The following NLE1 variants were observed in gnomAD, a reference collection of about 807,000 sequenced individuals.
NLE1 encodes notchless homolog 1.
Under a neutral mutation model 62.8 loss-of-function variants are expected in NLE1, and 37 were observed. The observed-to-expected ratio is 0.59, with a 90% CI of 0.45 to 0.78. The LOEUF is 0.78. Among genes scored for constraint, NLE1 ranks in the 30% least tolerant of loss-of-function variants. NLE1 has a pLI of 0.00. For synonymous variants in NLE1, 243 were observed against 253.0 expected (o/e 0.96, Z 0.37); for missense variants, 555 against 637.9 (o/e 0.87, Z 1.40).
At chr17:35,135,041 G>A (rs2091900149) in intron 10 of NLE1, 2 of 661,342 alleles carry the variant, frequency 3.0e-6, no homozygotes, top group African/African-American at 3.6e-5. Context: ...AACACCAGGT[G>A]ACAGAGTGAA....
chr17:35,140,180 G>A (rs1014624363), intron 2 of NLE1, 114 bp from the exon 3 acceptor site: 11 of 1,192,896 alleles, frequency 9.2e-6, no homozygotes, highest in Admixed American at 2.3e-5. Context: ...TTCAGCCATC[G>A]TGCTAGGGAT....
At chr17:35,137,441 C>A (rs2091915881) in intron 6 of NLE1, 102 bp downstream of exon 6, 2 of 998,358 alleles carry the variant, frequency 2.0e-6, no homozygotes, top group East Asian at 5.2e-5. Flanking sequence ...ATTCAGGCTG[C>A]CCATCTTGTC....
At chr17:35,137,240 G>A in intron 6 of NLE1, 47 bp from the exon 7 acceptor site, 1 of 1,511,700 alleles carries the variant, frequency 6.6e-7, no homozygotes, top group Non-Finnish European at 9.0e-7. Context: ...GGCAACATCT[G>A]TGTGCCCATG....
In NLE1 at chr17:35,140,001, C is replaced by T. The variant is rs138632996; in HGVS notation, c.228G>A (p.Thr76=). The T allele has an allele frequency of 7.9e-5, 128 of 1,614,132 alleles. 2 individuals carry two copies. The Admixed American group carries it at 1.0e-3, about 13-fold the overall frequency. The stretch of plus-strand genomic sequence containing the variant: ...CTGTCTCCACTGCCTGGGACTCCAA[C>T]GTCTTCCCCAGTGAGGAGACGATCT... The part of the protein sequence containing the change: ...DAEIVSSLGK[T]LESQAVETEK... Residue 76 remains threonine, a synonymous_variant, in exon 3 of 13, where the codon ACG becomes ACA. Coordinates refer to ENST00000442241, the MANE Select transcript of NLE1 (RefSeq NM_018096.5).
Position 35,129,281 on chromosome 17 carries a change from C to G in NLE1, c.*3156G>C. On this transcript the variant is annotated 3_prime_UTR_variant, in exon 13 of 13. Transcript: ENST00000442241. ...GGTTCCACACTCAGTGCTGCAGTAC[C>G]TTGCACCTTCCATCTGACCTGCCTG... 1 of 1,078,156 alleles carries G rather than the reference C, an allele frequency of 9.3e-7. No homozygotes were observed. The highest frequency in any genetic ancestry group is 1.4e-6 in the Non-Finnish European group (1 of 740,006). The allele number at this position is 1,078,156 out of a possible 1,614,324, so 66.8% of individuals were successfully genotyped here.
Position 35,129,881 on chromosome 17 carries a change from A to G in NLE1, c.*2556T>C, listed in dbSNP as rs1203116331. 3.5e-6 allele frequency: 5 copies of G among 1,413,130 alleles called. No individual in the cohort carries two copies. The highest frequency in any genetic ancestry group is 4.6e-6 in the Non-Finnish European group (5 of 1,086,918). 87.5% of individuals were successfully genotyped at this position (1,413,130 alleles called of 1,614,324 possible). On this transcript the variant is annotated 3_prime_UTR_variant, in exon 13 of 13. Coordinates refer to ENST00000442241, the MANE Select transcript of NLE1 (RefSeq NM_018096.5). ...GGAATGCAAACGAATGTATTTTTCA[A>G]CATCACTATAATGTTCCCCTTCCAA...
chr17:35,129,592 G>C lies in NLE1; in HGVS notation c.*2845C>G, dbSNP rs150486836. ...AGCTGATGGAGCTAAAGCCTAACAC[G>C]TGTTACTGCCTCAGTGTCCGTGCAG... On this transcript the variant is annotated 3_prime_UTR_variant, in exon 13 of 13. Transcript: ENST00000442241. 3 of 1,614,046 alleles carry C rather than the reference G, an allele frequency of 1.9e-6. No homozygotes were observed. Among genetic ancestry groups the C allele is most frequent in the African/African-American group, 1.3e-5 (1 of 74,928 alleles).
In NLE1 at chr17:35,130,881, G is replaced by A. The variant is rs1294702446; in HGVS notation, c.*1556C>T. The A allele has an allele frequency of 1.8e-5, 3 of 163,004 alleles. No individual in the cohort carries two copies. Among genetic ancestry groups the A allele is most frequent in the African/African-American group, 7.2e-5 (3 of 41,680 alleles). The allele number at this position is 163,004 out of a possible 1,614,324, so 10.1% of individuals were successfully genotyped here. A position where few individuals can be genotyped will look rare whatever the true frequency, so the allele number is the denominator to read the frequency against. ...ATGCTGCCATCACCCCTTCCCCAGT[G>A]GGGCGGGGTAGGGGAACAGGGAGAC... is the stretch of plus-strand genomic sequence containing the variant. On this transcript the variant is annotated 3_prime_UTR_variant, in exon 13 of 13. Coordinates refer to ENST00000442241, the MANE Select transcript of NLE1 (RefSeq NM_018096.5).
rs559761269 is a variant in NLE1, at chr17:35,129,514, C to T, written c.*2923G>A. On this transcript the variant is annotated 3_prime_UTR_variant, in exon 13 of 13. Coordinates refer to ENST00000442241, the MANE Select transcript of NLE1 (RefSeq NM_018096.5). ...CCAAGACACAGGAGAATGAGTTGCC[C>T]GAGGCAAAGAATCGTCCATGGATCT... is the stretch of plus-strand genomic sequence containing the variant. 1.5e-5 allele frequency: 24 copies of T among 1,614,026 alleles called. No individual in the cohort carries two copies. Among genetic ancestry groups the T allele is most frequent in the Admixed American group, 8.3e-5 (5 of 60,002 alleles).
rs1311342212 is a variant in NLE1 at position 35,131,440 on chromosome 17, G to A, written c.*997C>T. On this transcript the variant is annotated 3_prime_UTR_variant, in exon 13 of 13. Coordinates refer to ENST00000442241, the MANE Select transcript of NLE1 (RefSeq NM_018096.5). Reference sequence around the variant, plus strand: ...TGCTTAGCATGGGATGCAGGAGAAAGCAGAGGCAGGGTACATTCAGGGCAA... The same window carrying A: ...TGCTTAGCATGGGATGCAGGAGAAAACAGAGGCAGGGTACATTCAGGGCAA... The A allele has an allele frequency of 6.6e-6, 1 of 152,248 alleles. No individual in the cohort carries two copies. The highest frequency in any genetic ancestry group is 2.4e-5 in the African/African-American group (1 of 41,452). 9.4% of individuals were successfully genotyped at this position (152,248 alleles called of 1,614,324 possible). A position where few individuals can be genotyped will look rare whatever the true frequency, so the allele number is the denominator to read the frequency against.
chr17:35,141,921 T>C (rs1597896197), intron 2 of NLE1, 58 bp downstream of exon 2: 2 of 1,514,310 alleles, frequency 1.3e-6, no homozygotes, highest in Middle Eastern at 1.9e-4. Flanking sequence ...GTAATATGAT[T>C]CCCCCACCGC....
At chr17:35,136,079 G>T (rs541809638) in intron 9 of NLE1, 90 bp downstream of exon 9, 6 of 1,335,276 alleles carry the variant, frequency 4.5e-6, no homozygotes, top group South Asian at 3.8e-5. Flanking sequence ...TCTGAGCTGG[G>T]TCTAGAAGGG....
At position 35,142,087 on chromosome 17, in the gene NLE1, T is replaced by C; in HGVS notation, c.54A>G (p.Leu18=). Residue 18 remains leucine (L), a synonymous_variant, in exon 2 of 13, where the codon CTA becomes CTG. Transcript: ENST00000442241. Reference sequence around the variant, plus strand: ...GCCCGCCCTCATCCTGGAACTGCACTAGCAACCGCTGCACATCGCGCGCCA... The same window carrying C: ...GCCCGCCCTCATCCTGGAACTGCACCAGCAACCGCTGCACATCGCGCGCCA... The part of the protein sequence containing the change: ...EAVARDVQRL[L]VQFQDEGGQL... The C allele has an allele frequency of 6.2e-7, 1 of 1,612,556 alleles. No individual in the cohort carries two copies. The highest frequency in any genetic ancestry group is 8.5e-7 in the Non-Finnish European group (1 of 1,179,874).
rs776798336 is a variant in NLE1, at chr17:35,130,242, C to T, written c.*2195G>A. On this transcript the variant is annotated 3_prime_UTR_variant, in exon 13 of 13. Coordinates refer to ENST00000442241, the MANE Select transcript of NLE1 (RefSeq NM_018096.5). Reference sequence around the variant, plus strand: ...GACAGAGAGAGAGCCAGGTTCAGATCTGGGAAGGAACTCTGAAGGGTTTTC... The same window carrying T: ...GACAGAGAGAGAGCCAGGTTCAGATTTGGGAAGGAACTCTGAAGGGTTTTC... The T allele has an allele frequency of 6.2e-7, 1 of 1,603,380 alleles. No individual in the cohort carries two copies.
Position 35,129,561 on chromosome 17 carries a change from C to T in NLE1, c.*2876G>A, listed in dbSNP as rs1392604474. 3 of 1,614,206 alleles carry T rather than the reference C, an allele frequency of 1.9e-6. No homozygotes were observed. Among genetic ancestry groups the T allele is most frequent in the Non-Finnish European group, 2.5e-6 (3 of 1,180,036 alleles). On this transcript the variant is annotated 3_prime_UTR_variant, in exon 13 of 13. Transcript: ENST00000442241. ...ATCTTCAACAAGATTTTGGGCACTA[C>T]TGTCAAGCTGATGGAGCTAAAGCCT...
chr17:35,134,873 G>A, intron 10 of NLE1: 1 of 365,414 alleles, frequency 2.7e-6, no homozygotes, highest in South Asian at 2.0e-5. Flanking sequence ...TCAACATGGT[G>A]AAACCCCGTC....
chr17:35,129,859 A>G lies in NLE1; in HGVS notation c.*2578T>C. 7.0e-7 allele frequency: 1 copy of G among 1,420,946 alleles called. No individual in the cohort carries two copies. The highest frequency in any genetic ancestry group is 9.2e-7 in the Non-Finnish European group (1 of 1,091,650). 88.0% of individuals were successfully genotyped at this position (1,420,946 alleles called of 1,614,324 possible). The stretch of plus-strand genomic sequence containing the variant: ...TAAGCCACTCTGGGGCCCACTAGGA[A>G]TGCAAACGAATGTATTTTTCAACAT... On this transcript the variant is annotated 3_prime_UTR_variant, in exon 13 of 13. Transcript: ENST00000442241.
chr17:35,139,562 C>G (rs2091929892), intron 3 of NLE1, among the ~76,000 whole-genome samples: 1 of 152,228 alleles, frequency 6.6e-6, no homozygotes, highest in African/African-American at 2.4e-5. Flanking sequence ...CCCAGTTTCA[C>G]AGATGAAAAA....
chr17:35,139,872 A>G lies in NLE1; in HGVS notation c.357T>C (p.Ser119=). Residue 119 remains serine (S), a synonymous_variant, in exon 3 of 13, where the codon TCT becomes TCC. Transcript: ENST00000442241. ...SLEGHSEAVI[S]VAFSPTGKYL... ...ACTTTCCCGTAGGGCTGAAGGCCACAGAAATGACTGCCTCACTGTGACCCT... is the reference window on the plus strand; with the variant it reads ...ACTTTCCCGTAGGGCTGAAGGCCACGGAAATGACTGCCTCACTGTGACCCT... 1 of 1,613,634 alleles carries G rather than the reference A, an allele frequency of 6.2e-7. No homozygotes were observed. The highest frequency in any genetic ancestry group is 8.5e-7 in the Non-Finnish European group (1 of 1,180,036).
Sources: gnomAD v4.1 joint callset for allele counts (sites outside exome capture counted in the v4.1 genomes callset) on GRCh38, gnomAD v4.1.1 for gene constraint, MANE v1.5 for transcripts, NCBI Gene and HGNC (gene_info 2026-07-23, HGNC 2026-07-21) for gene names.